Variants in PPM1L observed in about 807,000 individuals in gnomAD.
PPM1L encodes the protein protein phosphatase 1L.
In PPM1L, 13 loss-of-function variants were observed where a neutral mutation model predicts 31.4. The ratio of observed to expected loss-of-function variants is 0.41; its 90% CI spans 0.27 to 0.66. The LOEUF is 0.66. PPM1L is among the 30% of genes least tolerant of loss of function. The pLI, the probability that PPM1L is intolerant of heterozygous loss-of-function variation, is 0.29. For synonymous variants in PPM1L, 184 were observed against 175.4 expected, an observed-to-expected ratio of 1.05 and a Z score of -0.39; for missense variants, 326 against 453.7, an observed-to-expected ratio of 0.72 and a Z score of 2.56.
At chr3:161,062,826 G>A (rs1261985204) in intron 2 of PPM1L, among the ~76,000 whole-genome samples, 1 of 152,098 alleles carries the variant, frequency 6.6e-6, no homozygotes, top group Non-Finnish European at 1.5e-5. Flanking sequence ...CTCTCATGGA[G>A]GCCCTAAAGC....
intron 1 of PPM1L, among the ~76,000 whole-genome samples, chr3:160,848,358 G>C (rs894584635): frequency 1.3e-5 from 2 of 151,978 alleles, no homozygotes; most frequent in African/African-American, 4.8e-5. Flanking sequence ...AACAACCCAG[G>C]GTCCAAATCT....
intron 1 of PPM1L, among the ~76,000 whole-genome samples, chr3:160,827,604 G>A (rs1355112884): frequency 1.3e-5 from 2 of 151,964 alleles, no homozygotes; most frequent in African/African-American, 2.4e-5. Flanking sequence ...AGTTAAGATA[G>A]AAAGTATAAA....
intron 1 of PPM1L, 148 bp from the exon 2 acceptor site, chr3:160,961,588 A>G: frequency 1.8e-6 from 1 of 545,780 alleles, no homozygotes; most frequent in Non-Finnish European, 3.0e-6. Flanking sequence ...TCCAGTGGAT[A>G]CTAAAAATGA....
In PPM1L at chr3:161,015,061, G is replaced by A. The variant is rs192787763; in HGVS notation, c.575-50342G>A. ...CAGTAAGTCTTTTAGGTGTGTGTAG[G>A]GCAGTTGGTAGGGGGAGTAGCAAAG... On this transcript the variant is annotated intron_variant, in intron 2 of 3. Transcript: ENST00000498165. Among the ~76,000 whole-genome samples the A allele has an allele frequency of 2.0e-4, 30 of 150,726 alleles. No individual in the cohort carries two copies. The East Asian group carries it at 5.2e-3, about 26-fold the overall frequency.
chr3:160,962,259 A>T (rs899924098), intron 2 of PPM1L, among the ~76,000 whole-genome samples: 5 of 123,206 alleles, frequency 4.1e-5, no homozygotes, highest in African/African-American at 1.2e-4. Context: ...TTGTGTTAAT[A>T]TTAGATATTT....
intron 1 of PPM1L, among the ~76,000 whole-genome samples, chr3:160,839,940 T>C (rs1305363536): frequency 6.6e-6 from 1 of 152,208 alleles, no homozygotes; most frequent in African/African-American, 2.4e-5. Flanking sequence ...TGAATTTCTT[T>C]AGTGATAGAG....
chr3:160,938,736 G>T (rs1490785515), intron 1 of PPM1L, among the ~76,000 whole-genome samples: 1 of 152,200 alleles, frequency 6.6e-6, no homozygotes, highest in African/African-American at 2.4e-5. Context: ...CAGCCAGTGA[G>T]GTTAAGTAAT....
At chr3:160,806,767 A>G (rs116371070) in intron 1 of PPM1L, among the ~76,000 whole-genome samples, 3,267 of 150,446 alleles carry the variant, frequency 0.022, 105 homozygotes, top group African/African-American at 0.075. Flanking sequence ...GAAAGAAAGA[A>G]AGAGAGAGAG....
At chr3:161,044,544 A>T (rs562325040) in intron 2 of PPM1L, among the ~76,000 whole-genome samples, 15 of 151,846 alleles carry the variant, frequency 9.9e-5, no homozygotes, top group Non-Finnish European at 2.1e-4. Context: ...GTTCAAGGTC[A>T]GTCTGGGCAA....
intron 1 of PPM1L, among the ~76,000 whole-genome samples, chr3:160,952,679 A>G (rs1291849088): frequency 6.6e-6 from 1 of 152,164 alleles, no homozygotes; most frequent in Non-Finnish European, 1.5e-5. Flanking sequence ...GTGTTTTAAA[A>G]TTTATCAGTG....
At chr3:161,022,097 C>G in intron 2 of PPM1L, 2 of 644,068 alleles carry the variant, frequency 3.1e-6, no homozygotes, top group Non-Finnish European at 5.5e-6. Flanking sequence ...TTATTGCATA[C>G]TTTTGTGTAG....
rs559590748 is a variant in PPM1L, at chr3:160,995,399, C to A, written c.574+33489C>A. Among the ~76,000 whole-genome samples the A allele has an allele frequency of 2.0e-5, 3 of 152,214 alleles. No individual in the cohort carries two copies. The South Asian group carries it at 6.2e-4, about 32-fold the overall frequency. On this transcript the variant is annotated intron_variant, in intron 2 of 3. Coordinates refer to ENST00000498165, the MANE Select transcript of PPM1L (RefSeq NM_139245.4). ...GAAATGGCACAATCTCGACTTACTG[C>A]AACCTCCACCTCCCGGGTTCAAGTG...
At chr3:160,863,739 T>TAGTTCTTCAAGTAAGC (rs146617572) in intron 1 of PPM1L, among the ~76,000 whole-genome samples, 1 of 152,310 alleles carries the variant, frequency 6.6e-6, no homozygotes, top group East Asian at 1.9e-4. Context: ...ACAAATAGCC[T>TAGTTCTTCAAGTAAGC]AGTTCTTCAA....
intron 1 of PPM1L, among the ~76,000 whole-genome samples, chr3:160,815,936 G>T (rs1371222924): frequency 6.6e-6 from 1 of 152,094 alleles, no homozygotes; most frequent in African/African-American, 2.4e-5. Context: ...GTATGTTTAA[G>T]TTAGATGCCA....
At chr3:160,898,657 G>A (rs1406931994) in intron 1 of PPM1L, among the ~76,000 whole-genome samples, 1 of 152,164 alleles carries the variant, frequency 6.6e-6, no homozygotes, top group Non-Finnish European at 1.5e-5. Flanking sequence ...CCTTCTAGGG[G>A]ACCAGGTGAA....
chr3:160,867,004 G>A (rs1447248578), intron 1 of PPM1L, among the ~76,000 whole-genome samples: 1 of 152,112 alleles, frequency 6.6e-6, no homozygotes, highest in Admixed American at 6.6e-5. Flanking sequence ...ACCACACCCA[G>A]CTAATTTTTA....
At chr3:161,058,118 C>CTT (rs1186931971) in intron 2 of PPM1L, among the ~76,000 whole-genome samples, 14,470 of 54,430 alleles carry the variant, frequency 0.27, 4,269 homozygotes, top group South Asian at 0.31. Flanking sequence ...ATTTTCTTTC[C>CTT]TTTTTTTTTT....
chr3:160,966,781 T>A (rs538751493), intron 2 of PPM1L, among the ~76,000 whole-genome samples: 1 of 152,212 alleles, frequency 6.6e-6, no homozygotes, highest in African/African-American at 2.4e-5. Flanking sequence ...TAAAAAGCAC[T>A]TAGCAGATTC....
rs1412144646 is a variant in PPM1L at position 160,960,584 on chromosome 3, G to C, written c.400-1152G>C. Among the ~76,000 whole-genome samples the C allele has an allele frequency of 1.1e-4, 16 of 151,222 alleles. 1 individual carries two copies. The South Asian group carries it at 3.4e-3, about 32-fold the overall frequency. On this transcript the variant is annotated intron_variant, in intron 1 of 3. Coordinates refer to ENST00000498165, the MANE Select transcript of PPM1L (RefSeq NM_139245.4). ...TGTGTGTGTGTGTGTGTGTGTGTGT[G>C]TGTGTGTGTGTGTGTGTGAAGTTTT...
Sources: allele counts gnomAD v4.1 joint callset (sites outside exome capture counted in the v4.1 genomes callset), GRCh38; gene constraint gnomAD v4.1.1; transcripts MANE v1.5; gene names NCBI Gene and HGNC (gene_info 2026-07-23, HGNC 2026-07-21).